CDS1: variants seen among roughly 807,000 people sequenced by gnomAD.
CDS1 encodes the protein CDP-diacylglycerol synthase 1, also known as phosphatidate cytidylyltransferase 1.
A neutral mutation model predicts 62.1 loss-of-function variants in CDS1; 41 were observed. The ratio of observed to expected loss-of-function variants is 0.66; its 90% CI spans 0.51 to 0.86. CDS1 has a LOEUF of 0.86. Ranked by LOEUF, CDS1 falls within the 40% of genes least tolerant of loss-of-function variation. The probability of loss-of-function intolerance (pLI) is 0.00; values close to 1 mark genes in which losing one functional copy is unlikely to be tolerated. For missense variants in CDS1, 470 were observed against 550.1 expected, an observed-to-expected ratio of 0.85 and a Z score of 1.46; for synonymous variants, 185 against 192.6, an observed-to-expected ratio of 0.96 and a Z score of 0.32.
At chr4:84,628,107 A>G (rs1009967395) in intron 5 of CDS1, among the ~76,000 whole-genome samples, 1 of 152,080 alleles carries the variant, frequency 6.6e-6, no homozygotes, top group African/African-American at 2.4e-5. Context: ...AATTTATTTA[A>G]TTTGATGCTA....
At chr4:84,646,642 AC>A (rs1724565654) in intron 12 of CDS1, among the ~76,000 whole-genome samples, 1 of 152,114 alleles carries the variant, frequency 6.6e-6, no homozygotes, top group African/African-American at 2.4e-5. Context: ...CGGAAAACAT[AC>A]TCTATGATTT....
Position 84,648,548 on chromosome 4 carries a change from T to C in CDS1, c.1257-9T>C. On this transcript the variant is annotated splice_polypyrimidine_tract_variant and intron_variant, in intron 12 of 12. Coordinates refer to ENST00000295887, the MANE Select transcript of CDS1 (RefSeq NM_001263.4). ...ACACGAACTTGTCTTCTTTGCCTTTTATCATTAGGGGCCCAAATCCCAGCA... is the reference window on the plus strand; with the variant it reads ...ACACGAACTTGTCTTCTTTGCCTTTCATCATTAGGGGCCCAAATCCCAGCA... 6.2e-7 allele frequency: 1 copy of C among 1,610,728 alleles called. No homozygotes were observed.
intron 1 of CDS1, 144 bp from the exon 2 acceptor site, chr4:84,604,099 C>T: frequency 1.5e-6 from 1 of 655,482 alleles, no homozygotes; most frequent in East Asian, 2.9e-5. Context: ...TATAGCAGTG[C>T]TAAGATTTTC....
At chr4:84,586,634 C>T (rs1249442769) in intron 1 of CDS1, among the ~76,000 whole-genome samples, 1 of 152,228 alleles carries the variant, frequency 6.6e-6, no homozygotes, top group Non-Finnish European at 1.5e-5. Flanking sequence ...GGGTTCCCAA[C>T]AGGCCCAGTT....
intron 2 of CDS1, among the ~76,000 whole-genome samples, chr4:84,606,707 G>T (rs1053337072): frequency 2.6e-5 from 4 of 151,884 alleles, no homozygotes; most frequent in African/African-American, 9.7e-5. Context: ...TTAAAACAGG[G>T]TTTCACTCTG....
At position 84,638,965 on chromosome 4, in the gene CDS1, C is replaced by T; in HGVS notation, c.852C>T (p.Phe284=). ...KKTWEGFIGG[F]FSTVVFGFIA... is the part of the protein sequence containing the mutation. ...CTTGGGAAGGATTCATTGGTGGTTT[C>T]TTTTCCACAGTTGTGTTTGGATTCA... The change falls in exon 9 of 13, where the codon TTC becomes TTT. Residue 284 remains phenylalanine, a synonymous_variant. Coordinates refer to ENST00000295887, the MANE Select transcript of CDS1 (RefSeq NM_001263.4). The T allele has an allele frequency of 1.9e-6, 3 of 1,569,544 alleles. No homozygotes were observed. Among genetic ancestry groups the T allele is most frequent in the Non-Finnish European group, 2.6e-6 (3 of 1,157,910 alleles).
intron 3 of CDS1, among the ~76,000 whole-genome samples, chr4:84,616,454 G>A (rs1409336180): frequency 1.3e-5 from 2 of 152,156 alleles, no homozygotes; most frequent in Non-Finnish European, 2.9e-5. Flanking sequence ...AGAAATCCCG[G>A]AATATATCCT....
chr4:84,616,115 T>C (rs1208924310), intron 3 of CDS1, among the ~76,000 whole-genome samples: 2 of 152,194 alleles, frequency 1.3e-5, no homozygotes, highest in African/African-American at 4.8e-5. Flanking sequence ...TAAAAGCCCT[T>C]TGGATCTGAC....
chr4:84,650,780 TATTA>T lies in CDS1; in HGVS notation c.*2098_*2101del, dbSNP rs1395191531. ...TTATCCTATATGTAAAAAAGCAAATTATTAATTTTAATGGAGCTCTCGATTGACC... is the reference window on the plus strand; with the variant it reads ...TTATCCTATATGTAAAAAAGCAAATTATTTTAATGGAGCTCTCGATTGACC... On this transcript the variant is annotated 3_prime_UTR_variant, in exon 13 of 13. Transcript: ENST00000295887. The T allele has an allele frequency of 6.6e-6, 1 of 152,212 alleles. No individual in the cohort carries two copies. Among genetic ancestry groups the T allele is most frequent in the Admixed American group, 6.5e-5 (1 of 15,274 alleles). The allele number at this position is 152,212 out of a possible 1,614,324, so 9.4% of individuals were successfully genotyped here.
chr4:84,589,867 G>A (rs1722533595), intron 1 of CDS1, among the ~76,000 whole-genome samples: 1 of 152,152 alleles, frequency 6.6e-6, no homozygotes, highest in South Asian at 2.1e-4. Context: ...CTGGAGTGCA[G>A]TGGCGCGACC....
At chr4:84,594,276 A>G (rs1399895138) in intron 1 of CDS1, among the ~76,000 whole-genome samples, 1 of 152,144 alleles carries the variant, frequency 6.6e-6, no homozygotes, top group South Asian at 2.1e-4. Context: ...AACGGAACCT[A>G]TTCAGCTTCT....
In CDS1 at chr4:84,650,233, A is replaced by G. The variant is rs1724691562; in HGVS notation, c.*1547A>G. 1 of 152,180 alleles carries G rather than the reference A, an allele frequency of 6.6e-6. No individual in the cohort carries two copies. The highest frequency in any genetic ancestry group is 1.5e-5 in the Non-Finnish European group (1 of 68,036). 9.4% of individuals were successfully genotyped at this position (152,180 alleles called of 1,614,324 possible). A position where few individuals can be genotyped will look rare whatever the true frequency, so the allele number is the denominator to read the frequency against. On this transcript the variant is annotated 3_prime_UTR_variant, in exon 13 of 13. Coordinates refer to ENST00000295887, the MANE Select transcript of CDS1 (RefSeq NM_001263.4). ...TCCTCACATGCACACATGATTAGAC[A>G]TAGGTGCACTCGGTACCAAGAGTCC...
At chr4:84,618,491 T>C (rs534832999) in intron 4 of CDS1, among the ~76,000 whole-genome samples, 1 of 152,272 alleles carries the variant, frequency 6.6e-6, no homozygotes, top group South Asian at 2.1e-4. Flanking sequence ...TTGTAGAAGG[T>C]GTCAAACAAG....
chr4:84,642,995 C>T (rs1724436927), intron 10 of CDS1, 29 bp from the exon 11 acceptor site: 5 of 1,563,346 alleles, frequency 3.2e-6, no homozygotes, highest in Admixed American at 1.7e-5. Flanking sequence ...GAAATTAGCC[C>T]CTCTCCTCCC....
intron 1 of CDS1, among the ~76,000 whole-genome samples, chr4:84,601,805 C>T (rs1442556922): frequency 2.0e-5 from 3 of 151,914 alleles, no homozygotes; most frequent in Admixed American, 6.6e-5. Flanking sequence ...CCCAGCAACA[C>T]GGGAGGCTGA....
chr4:84,607,078 T>C (rs896472494), intron 2 of CDS1, among the ~76,000 whole-genome samples: 8 of 152,186 alleles, frequency 5.3e-5, no homozygotes, highest in Non-Finnish European at 1.2e-4. Context: ...ACATAGTTTG[T>C]TAAACAATAG....
At position 84,650,843 on chromosome 4, in the gene CDS1, A is replaced by G. The variant is rs1202192243; in HGVS notation, c.*2157A>G. On this transcript the variant is annotated 3_prime_UTR_variant, in exon 13 of 13. Transcript: ENST00000295887. ...ATACTTTTATAGCATGTATATTAAA[A>G]TAGAATATATTTTAGCAAAAGATTG... is the stretch of plus-strand genomic sequence containing the variant. The G allele has an allele frequency of 6.6e-6, 1 of 152,220 alleles. No individual in the cohort carries two copies. The highest frequency in any genetic ancestry group is 1.5e-5 in the Non-Finnish European group (1 of 68,040). The allele number at this position is 152,220 out of a possible 1,614,324, so 9.4% of individuals were successfully genotyped here.
At chr4:84,613,815 T>C (rs185658641) in intron 3 of CDS1, among the ~76,000 whole-genome samples, 110 of 152,306 alleles carry the variant, frequency 7.2e-4, no homozygotes, top group African/African-American at 2.5e-3. Context: ...AAAGAGGTTT[T>C]TTCCCCCCCT....
At position 84,583,481 on chromosome 4, in the gene CDS1, C is replaced by T. The variant is rs1170399170; in HGVS notation, c.80C>T (p.Ala27Val). 3 of 1,555,826 alleles carry T rather than the reference C, an allele frequency of 1.9e-6. No individual in the cohort carries two copies. Among genetic ancestry groups the T allele is most frequent in the African/African-American group, 2.8e-5 (2 of 72,020 alleles). The change falls in exon 1 of 13, where the codon GCC (alanine) becomes GTC (valine). Residue 27 changes from alanine (A) to valine (V), a missense_variant. Transcript: ENST00000295887. ...VSPPHREGEAAGGDHETESTS... is the reference protein window; with the variant it reads ...VSPPHREGEAVGGDHETESTS... Reference sequence around the variant, plus strand: ...CCGCCACACCGCGAGGGAGAGGCGGCCGGCGGCGACCACGAAACCGAGAGC... The same window carrying T: ...CCGCCACACCGCGAGGGAGAGGCGGTCGGCGGCGACCACGAAACCGAGAGC...
Sources: allele counts gnomAD v4.1 joint callset (sites outside exome capture counted in the v4.1 genomes callset), GRCh38; gene constraint gnomAD v4.1.1; transcripts MANE v1.5; gene names NCBI Gene and HGNC (gene_info 2026-07-23, HGNC 2026-07-21).